The following CLDN16 variants were observed in gnomAD, a reference collection of about 807,000 sequenced individuals.
The protein encoded by CLDN16 is claudin-16.
A neutral mutation model predicts 24.6 loss-of-function variants in CLDN16; 13 were observed. The observed-to-expected ratio is 0.53, with a 90% CI of 0.34 to 0.84. The LOEUF (loss-of-function observed/expected upper bound fraction) is 0.84, where lower values mean the gene tolerates loss of function less well. Among genes scored for constraint, CLDN16 ranks in the 40% least tolerant of loss-of-function variants. The pLI, the probability that CLDN16 is intolerant of heterozygous loss-of-function variation, is 0.01. For missense variants in CLDN16, 298 were observed against 292.7 expected (o/e 1.02, Z -0.13); for synonymous variants, 116 against 106.7 (o/e 1.09, Z -0.54).
At chr3:190,391,083 G>A (rs1200829247) in intron 1 of CLDN16, among the ~76,000 whole-genome samples, 2 of 151,956 alleles carry the variant, frequency 1.3e-5, no homozygotes, top group East Asian at 3.9e-4. Flanking sequence ...CACCACAGCA[G>A]CTCACTTTAA....
At chr3:190,405,969 A>T (rs143489230) in intron 3 of CLDN16, among the ~76,000 whole-genome samples, 27 of 152,302 alleles carry the variant, frequency 1.8e-4, no homozygotes, top group Non-Finnish European at 2.5e-4. Flanking sequence ...CAAAGCGAAT[A>T]TAAGTGGCAG....
At chr3:190,290,502 G>GA in the CLDN16 span, among the ~76,000 whole-genome samples, 14 of 151,602 alleles carry the variant, frequency 9.2e-5, no homozygotes, top group Admixed American at 4.6e-4. Flanking sequence ...CAATTTTAAG[G>GA]AAAAAAAACC....
At chr3:190,296,351 A>T in the CLDN16 span, among the ~76,000 whole-genome samples, 1 of 152,118 alleles carries the variant, frequency 6.6e-6, no homozygotes. Flanking sequence ...GCTACTTTAT[A>T]AAGGGTGGTC....
upstream of CLDN16, among the ~76,000 whole-genome samples, chr3:190,320,967 AC>A (rs145353560): frequency 0.17 from 26,277 of 151,784 alleles, 2,482 homozygotes; most frequent in Middle Eastern, 0.28. Context: ...AATTTAAAAA[AC>A]AAAGTAAAAC....
In CLDN16 at chr3:190,409,909, G is replaced by A. The variant is rs751740742; in HGVS notation, c.581G>A (p.Gly194Glu). Residue 194 changes from glycine (G) to glutamate (E), a missense_variant, in exon 5 of 5, where the codon GGA becomes GAA. Physicochemically the swap from Gly to Glu is moderately conservative, Grantham distance 98 (BLOSUM62 -2). Coordinates refer to ENST00000264734, the MANE Select transcript of CLDN16 (RefSeq NM_006580.4). ...TCCLYLFKDV[G>E]PERNYPYSLR... Reference sequence around the variant, plus strand: ...TTATATTTCTTTCAAACAGATGTTGGACCTGAGAGAAACTATCCTTATTCC... The same window carrying A: ...TTATATTTCTTTCAAACAGATGTTGAACCTGAGAGAAACTATCCTTATTCC... 6.2e-7 allele frequency: 1 copy of A among 1,613,808 alleles called. No homozygotes were observed. Among genetic ancestry groups the A allele is most frequent in the East Asian group, 2.2e-5 (1 of 44,862 alleles).
At chr3:190,363,556 G>GCATATATA (rs1560088011) in intron 1 of CLDN16, among the ~76,000 whole-genome samples, 2 of 87,400 alleles carry the variant, frequency 2.3e-5, no homozygotes, top group Non-Finnish European at 4.2e-5. Context: ...GTGTGTGTGT[G>GCATATATA]TATATATATA....
rs1347916310 is a variant in CLDN16, at chr3:190,369,752, T to G, written n.122-1141T>G. The stretch of plus-strand genomic sequence containing the variant: ...ACTTTCTCATATACTTCTTTGTACT[T>G]ATCTTTAGGGAAAACAGTGACTCAA... On this transcript the variant is annotated intron_variant and non_coding_transcript_variant, in intron 1 of 4. Transcript: ENST00000468220. Among the ~76,000 whole-genome samples, 11 of 152,096 alleles carry G rather than the reference T, an allele frequency of 7.2e-5. No individual in the cohort carries two copies. In the East Asian group the frequency reaches 2.1e-3, roughly 30 times the overall value.
rs185609676 is a variant in CLDN16, at chr3:190,400,670, A to C, written c.115-1667A>C. Among the ~76,000 whole-genome samples the C allele has an allele frequency of 7.4e-4, 113 of 152,346 alleles. No individual in the cohort carries two copies. The East Asian group carries it at 0.019, about 25-fold the overall frequency. On this transcript the variant is annotated intron_variant, in intron 1 of 4. Transcript: ENST00000264734. ...AAGAATTTCATTTTTTAAATTGTTA[A>C]ATAGTATTCCATTGTGTAGATATAC...
At chr3:190,343,884 A>G (rs982964223) in intron 1 of CLDN16, among the ~76,000 whole-genome samples, 1 of 152,102 alleles carries the variant, frequency 6.6e-6, no homozygotes, top group Non-Finnish European at 1.5e-5. Flanking sequence ...AACAAGTTGA[A>G]AGATCTAATG....
At chr3:190,338,850 G>A (rs1241796518) in intron 1 of CLDN16, among the ~76,000 whole-genome samples, 2 of 152,204 alleles carry the variant, frequency 1.3e-5, no homozygotes. Context: ...ACTTGGAAGT[G>A]GCTCTTGGCA....
At chr3:190,362,707 TTTTTG>T (rs759966010) in intron 1 of CLDN16, among the ~76,000 whole-genome samples, 2 of 152,052 alleles carry the variant, frequency 1.3e-5, no homozygotes, top group Non-Finnish European at 2.9e-5. Flanking sequence ...GCAAGTTGAC[TTTTTG>T]TTTTAATTAG....
chr3:190,382,790 C>G (rs1223666434), intron 3 of CLDN16, among the ~76,000 whole-genome samples: 1 of 152,108 alleles, frequency 6.6e-6, no homozygotes, highest in Non-Finnish European at 1.5e-5. Flanking sequence ...AATTAAAATA[C>G]TCTTTTTGTC....
In CLDN16 at chr3:190,354,846, C is replaced by A. The variant is rs113480561; in HGVS notation, n.122-16047C>A. On this transcript the variant is annotated intron_variant and non_coding_transcript_variant, in intron 1 of 4. Coordinates refer to the CLDN16 transcript ENST00000468220. ...ACTTGGATGTCCCTGATATTAGATC[C>A]ATTCCTGCCCTTTCTGAAACCTCTG... Among the ~76,000 whole-genome samples the A allele has an allele frequency of 1.7e-3, 261 of 152,100 alleles. 1 individual carries two copies. The highest frequency in any genetic ancestry group is 2.9e-3 in the Non-Finnish European group (196 of 67,928).
intron 1 of CLDN16, among the ~76,000 whole-genome samples, chr3:190,355,076 A>T (rs1037897806): frequency 6.6e-6 from 1 of 152,016 alleles, no homozygotes; most frequent in Non-Finnish European, 1.5e-5. Context: ...TGTCTAACAC[A>T]CAAAAAGCAT....
At chr3:190,407,925 A>G (rs532282310) in intron 3 of CLDN16, among the ~76,000 whole-genome samples, 1 of 152,222 alleles carries the variant, frequency 6.6e-6, no homozygotes, top group South Asian at 2.1e-4. Context: ...CATATGCTCT[A>G]TGTTGTTTGT....
At chr3:190,370,292 C>A (rs1017015253) in intron 1 of CLDN16, among the ~76,000 whole-genome samples, 2 of 152,080 alleles carry the variant, frequency 1.3e-5, no homozygotes, top group South Asian at 4.1e-4. Context: ...GAAAGTTATG[C>A]CATTCTCTAA....
At chr3:190,317,136 C>T in the CLDN16 span, among the ~76,000 whole-genome samples, 2 of 152,226 alleles carry the variant, frequency 1.3e-5, no homozygotes, top group Non-Finnish European at 2.9e-5. Context: ...GCAATATTAA[C>T]TTTGAATTGG....
At chr3:190,342,965 T>C (rs1395349238) in intron 1 of CLDN16, among the ~76,000 whole-genome samples, 1 of 152,092 alleles carries the variant, frequency 6.6e-6, no homozygotes, top group Admixed American at 6.6e-5. Flanking sequence ...TAAGTATGAC[T>C]ATATCAAATC....
chr3:190,318,638 A>T (rs1230079440), upstream of CLDN16, among the ~76,000 whole-genome samples: 1 of 152,236 alleles, frequency 6.6e-6, no homozygotes, highest in Non-Finnish European at 1.5e-5. Flanking sequence ...AGAATTTCTG[A>T]TCTCAAGCCT....
Sources: gnomAD v4.1 joint callset for allele counts (sites outside exome capture counted in the v4.1 genomes callset) on GRCh38, gnomAD v4.1.1 for gene constraint, MANE v1.5 for transcripts, NCBI Gene and HGNC (gene_info 2026-07-23, HGNC 2026-07-21) for gene names.